SLC17A7: variants seen among roughly 807,000 people sequenced by gnomAD.
SLC17A7 encodes the protein vesicular glutamate transporter 1.
In SLC17A7, 15 loss-of-function variants were observed where a neutral mutation model predicts 59.1. The ratio of observed to expected loss-of-function variants is 0.25; its 90% CI spans 0.17 to 0.39. The LOEUF is 0.39. SLC17A7 is among the 10% of genes least tolerant of loss of function. The probability of loss-of-function intolerance (pLI) is 1.00; values close to 1 mark genes in which losing one functional copy is unlikely to be tolerated. For missense variants in SLC17A7, 499 were observed against 765.1 expected (o/e 0.65, Z 4.10); for synonymous variants, 353 against 308.9 (o/e 1.14, Z -1.50).
chr19:49,432,754 C>A, intron 8 of SLC17A7, 57 bp downstream of exon 8: 2 of 1,595,664 alleles, frequency 1.3e-6, no homozygotes, highest in South Asian at 2.3e-5. Flanking sequence ...GGGATCGCCG[C>A]CAGTTCCCTC....
At position 49,431,011 on chromosome 19, in the gene SLC17A7, C is replaced by A; in HGVS notation, c.1389+4G>T. On this transcript the variant is annotated splice_donor_region_variant and intron_variant, in intron 11 of 11. Transcript: ENST00000221485. This position sits in a 1 kb window ranked among gnomAD's most constrained non-coding sequence, Gnocchi z 4.6. ...GCAGACTGAGTCAGGACTGCGGCAC[C>A]CACCTTGTGCTTAGTCATGGCCCCC... The A allele has an allele frequency of 6.2e-7, 1 of 1,603,968 alleles. No individual in the cohort carries two copies. Among genetic ancestry groups the A allele is most frequent in the South Asian group, 1.1e-5 (1 of 90,550 alleles).
rs1052443513 is a variant in SLC17A7, at chr19:49,437,015, C to T, written c.63-214G>A. 16 of 654,450 alleles carry T rather than the reference C, an allele frequency of 2.4e-5. No homozygotes were observed. In the African/African-American group the frequency reaches 2.9e-4, roughly 12 times the overall value. The allele number at this position is 654,450 out of a possible 1,614,324, so 40.5% of individuals were successfully genotyped here. On this transcript the variant is annotated intron_variant, in intron 1 of 11. Coordinates refer to ENST00000221485, the MANE Select transcript of SLC17A7 (RefSeq NM_020309.4). ...GACCGGGAATTCAGGCCCCCAGCCC[C>T]CTCCTTCTTCACATTGACGGTCTTC...
At position 49,436,174 on chromosome 19, in the gene SLC17A7, G is replaced by A; in HGVS notation, c.315+375C>T. Reference sequence around the variant, plus strand: ...TCACATTCAGGGAGGAACCTGAGATGGGACTGAGATTAAATAGATGTGACC... The same window carrying A: ...TCACATTCAGGGAGGAACCTGAGATAGGACTGAGATTAAATAGATGTGACC... On this transcript the variant is annotated intron_variant, in intron 2 of 11. Transcript: ENST00000221485. This position sits in a 1 kb window ranked among gnomAD's most constrained non-coding sequence, Gnocchi z 4.1. The A allele has an allele frequency of 4.2e-6, 1 of 240,146 alleles. No homozygotes were observed. The highest frequency in any genetic ancestry group is 8.4e-5 in the East Asian group (1 of 11,850). The allele number at this position is 240,146 out of a possible 1,614,324, so 14.9% of individuals were successfully genotyped here. A position where few individuals can be genotyped will look rare whatever the true frequency, so the allele number is the denominator to read the frequency against.
rs200644688 is a variant in SLC17A7, at chr19:49,430,597, A to C, written c.1605T>G (p.Pro535=). ...EDEAEPPGAP[P]APPPSYGATH... ...TGGCCCCATAGGAGGGCGGGGGTGC[A>C]GGGGGTGCCCCCGGGGGCTCAGCCT... Residue 535 remains proline (P), a synonymous_variant, in exon 12 of 12, where the codon CCT becomes CCG. Transcript: ENST00000221485. 5.0e-6 allele frequency: 8 copies of C among 1,608,596 alleles called. No homozygotes were observed. In the African/African-American group the frequency reaches 1.1e-4, roughly 22 times the overall value.
At chr19:49,440,376 G>A (rs983688364) in intron 1 of SLC17A7, among the ~76,000 whole-genome samples, 1 of 152,174 alleles carries the variant, frequency 6.6e-6, no homozygotes, top group Admixed American at 6.5e-5. Flanking sequence ...AGGCTTTTCC[G>A]CAGCTGAGTA....
At chr19:49,438,204 GA>G (rs1186883429) in intron 1 of SLC17A7, 1 of 152,650 alleles carries the variant, frequency 6.6e-6, no homozygotes. Context: ...CCCAGAGAGG[GA>G]AGAGATGGAA....
rs923804520 is a variant in SLC17A7, at chr19:49,431,731, C to T, written c.1151-283G>A. ...GGCCACTCCCCGAACACGCAGGATCCCTGCTGTGCACGCTCACACCTTCCC... is the reference window on the plus strand; with the variant it reads ...GGCCACTCCCCGAACACGCAGGATCTCTGCTGTGCACGCTCACACCTTCCC... On this transcript the variant is annotated intron_variant, in intron 9 of 11. Coordinates refer to ENST00000221485, the MANE Select transcript of SLC17A7 (RefSeq NM_020309.4). The surrounding 1 kb of genome is among the most constrained non-coding windows in gnomAD (Gnocchi z 4.6). Among the ~76,000 whole-genome samples, 2 of 152,052 alleles carry T rather than the reference C, an allele frequency of 1.3e-5. No homozygotes were observed. The highest frequency in any genetic ancestry group is 4.8e-5 in the African/African-American group (2 of 41,386).
rs921540890 is a variant in SLC17A7 at position 49,430,609 on chromosome 19, C to G, written c.1593G>C (p.Pro531=). Residue 531 remains proline, a synonymous_variant, in exon 12 of 12, where the codon CCG becomes CCC. Transcript: ENST00000221485. The part of the protein sequence containing the change: ...DSEMEDEAEP[P]GAPPAPPPSY... ...AGGGCGGGGGTGCAGGGGGTGCCCCCGGGGGCTCAGCCTCATCCTCCATTT... is the reference window on the plus strand; with the variant it reads ...AGGGCGGGGGTGCAGGGGGTGCCCCGGGGGGCTCAGCCTCATCCTCCATTT... The G allele has an allele frequency of 3.1e-6, 5 of 1,613,444 alleles. No individual in the cohort carries two copies. The highest frequency in any genetic ancestry group is 4.2e-6 in the Non-Finnish European group (5 of 1,179,776).
chr19:49,436,875 G>A lies in SLC17A7; in HGVS notation c.63-74C>T, dbSNP rs1202886672. On this transcript the variant is annotated intron_variant, in intron 1 of 11. Transcript: ENST00000221485. The surrounding 1 kb of genome is among the most constrained non-coding windows in gnomAD (Gnocchi z 4.1). ...CCTCACCCCCAAGACCAGGATCCAG[G>A]GCAAAACCTGCTTTTCAACATCCAG... 57 of 1,500,200 alleles carry A rather than the reference G, an allele frequency of 3.8e-5. No individual in the cohort carries two copies. The highest frequency in any genetic ancestry group is 4.9e-5 in the Non-Finnish European group (56 of 1,136,418). The allele number at this position is 1,500,200 out of a possible 1,614,324, so 92.9% of individuals were successfully genotyped here. A position where few individuals can be genotyped will look rare whatever the true frequency, so the allele number is the denominator to read the frequency against.
chr19:49,431,212 C>A lies in SLC17A7; in HGVS notation c.1262-70G>T. ...CGAGTGATTCCCACTGGGACGTTCT[C>A]AACCCTCTCCCCTCCCCGCCACTCA... is the stretch of plus-strand genomic sequence containing the variant. On this transcript the variant is annotated intron_variant, in intron 10 of 11. Transcript: ENST00000221485. This position sits in a 1 kb window ranked among gnomAD's most constrained non-coding sequence, Gnocchi z 4.6. The A allele has an allele frequency of 6.4e-7, 1 of 1,567,396 alleles. No homozygotes were observed.
At chr19:49,438,076 G>A (rs2078986726) in intron 1 of SLC17A7, 1 of 150,922 alleles carries the variant, frequency 6.6e-6, no homozygotes, top group African/African-American at 2.4e-5. Context: ...AGATAGAGAG[G>A]GGGACAGAGA....
chr19:49,434,513 C>T, intron 5 of SLC17A7, 89 bp downstream of exon 5: 8 of 1,228,784 alleles, frequency 6.5e-6, no homozygotes, highest in Non-Finnish European at 9.0e-6. Flanking sequence ...GAGTTCAGCC[C>T]CCCCAGCCCC....
intron 2 of SLC17A7, chr19:49,435,573 A>G (rs760008685): frequency 9.2e-5 from 30 of 325,692 alleles, no homozygotes; most frequent in Non-Finnish European, 1.3e-4. Flanking sequence ...GGGCCCATGT[A>G]TGATGATGAC....
intron 1 of SLC17A7, among the ~76,000 whole-genome samples, chr19:49,439,871 G>A (rs1035276047): frequency 2.6e-5 from 4 of 151,730 alleles, no homozygotes; most frequent in Non-Finnish European, 5.9e-5. Context: ...ACTGAGGGAG[G>A]GGCCTGAGGA....
chr19:49,436,461 G>T lies in SLC17A7; in HGVS notation c.315+88C>A, dbSNP rs2078979866. The T allele has an allele frequency of 1.3e-6, 2 of 1,523,106 alleles. No homozygotes were observed. Among genetic ancestry groups the T allele is most frequent in the Non-Finnish European group, 1.8e-6 (2 of 1,126,404 alleles). The allele number at this position is 1,523,106 out of a possible 1,614,324, so 94.3% of individuals were successfully genotyped here. A position where few individuals can be genotyped will look rare whatever the true frequency, so the allele number is the denominator to read the frequency against. On this transcript the variant is annotated intron_variant, in intron 2 of 11. Coordinates refer to ENST00000221485, the MANE Select transcript of SLC17A7 (RefSeq NM_020309.4). The surrounding 1 kb of genome is among the most constrained non-coding windows in gnomAD (Gnocchi z 4.1). The stretch of plus-strand genomic sequence containing the variant: ...GTTTCGGAAGGGGCGTGGCCTGGAC[G>T]TCTGGTGGGTGAGTGTGACGTCATG...
At position 49,432,877 on chromosome 19, in the gene SLC17A7, C is replaced by A. The variant is rs780105787; in HGVS notation, c.951G>T (p.Thr317=). The A allele has an allele frequency of 6.3e-7, 1 of 1,597,202 alleles. No individual in the cohort carries two copies. The highest frequency in any genetic ancestry group is 8.5e-7 in the Non-Finnish European group (1 of 1,171,856). The change falls in exon 8 of 12, where the codon ACG becomes ACT. Residue 317 remains threonine (T), a synonymous_variant. Transcript: ENST00000221485. ...GCTGGGAGATGAGCAGCAGGTAGAA[C>A]GTCCAGCTGCGGCAGAAGTTGGCCA... ...IIVANFCRSW[T]FYLLLISQPA...
chr19:49,434,679 T>C lies in SLC17A7; in HGVS notation c.560A>G (p.Tyr187Cys). The part of the protein sequence containing the change: ...ILQGLVEGVT[Y>C]PACHGIWSKW... ...GCTCCAGATCCCATGGCAGGCGGGG[T>C]ATGTGACCCCCTAAAGAGGAGAAAA... Residue 187 changes from tyrosine (Y) to cysteine (C), a missense_variant, in exon 5 of 12, where the codon TAC becomes TGC. Coordinates refer to ENST00000221485, the MANE Select transcript of SLC17A7 (RefSeq NM_020309.4). 6.2e-7 allele frequency: 1 copy of C among 1,613,588 alleles called. No individual in the cohort carries two copies. Among genetic ancestry groups the C allele is most frequent in the East Asian group, 2.2e-5 (1 of 44,856 alleles).
At position 49,436,555 on chromosome 19, in the gene SLC17A7, C is replaced by A. The variant is rs1744112159; in HGVS notation, c.309G>T (p.Val103=). Residue 103 remains valine, a synonymous_variant, in exon 2 of 12, where the codon GTG becomes GTT. Coordinates refer to ENST00000221485, the MANE Select transcript of SLC17A7 (RefSeq NM_020309.4). This position sits in a 1 kb window ranked among gnomAD's most constrained non-coding sequence, Gnocchi z 4.1. The part of the protein sequence containing the change: ...NSTTHRGGHV[V]VQKAQFSWDP... ...GGCTCAGGCCTTGAGCTACCTGCAC[C>A]ACCACGTGGCCCCCGCGGTGGGTCG... 1 of 1,613,118 alleles carries A rather than the reference C, an allele frequency of 6.2e-7. No individual in the cohort carries two copies. Among genetic ancestry groups the A allele is most frequent in the Non-Finnish European group, 8.5e-7 (1 of 1,179,936 alleles).
chr19:49,429,786 T>C lies in SLC17A7; in HGVS notation c.*733A>G, dbSNP rs973386931. ...TTCATGGACTGGAGCAGCCACTATTTAGACCTGAAAACCATGTCAGAAAAA... is the reference window on the plus strand; with the variant it reads ...TTCATGGACTGGAGCAGCCACTATTCAGACCTGAAAACCATGTCAGAAAAA... On this transcript the variant is annotated 3_prime_UTR_variant, in exon 12 of 12. Coordinates refer to ENST00000221485, the MANE Select transcript of SLC17A7 (RefSeq NM_020309.4). 9 of 390,420 alleles carry C rather than the reference T, an allele frequency of 2.3e-5. No individual in the cohort carries two copies. In the Admixed American group the frequency reaches 3.6e-4, roughly 15 times the overall value. 24.2% of individuals were successfully genotyped at this position (390,420 alleles called of 1,614,324 possible). A position where few individuals can be genotyped will look rare whatever the true frequency, so the allele number is the denominator to read the frequency against.
Sources: allele counts gnomAD v4.1 joint callset (sites outside exome capture counted in the v4.1 genomes callset), GRCh38; gene constraint gnomAD v4.1.1; non-coding constraint Gnocchi (gnomAD v3.1); transcripts MANE v1.5; gene names NCBI Gene and HGNC (gene_info 2026-07-23, HGNC 2026-07-21).